Variants in FMN2 observed in about 807,000 individuals in gnomAD.
FMN2 encodes formin-2.
A neutral mutation model predicts 142.3 loss-of-function variants in FMN2; 51 were observed. The observed-to-expected ratio is 0.36, with a 90% CI of 0.29 to 0.45. The LOEUF is 0.45. Ranked by LOEUF, FMN2 falls within the 20% of genes least tolerant of loss-of-function variation. The pLI, the probability that FMN2 is intolerant of heterozygous loss-of-function variation, is 1.00. For synonymous variants in FMN2, 882 were observed against 869.8 expected, an observed-to-expected ratio of 1.01 and a Z score of -0.25; for missense variants, 1,936 against 2,122.8, an observed-to-expected ratio of 0.91 and a Z score of 1.73.
intron 5 of FMN2, among the ~76,000 whole-genome samples, chr1:240,210,349 A>T (rs116699335): frequency 0.012 from 1,822 of 152,240 alleles, 39 homozygotes; most frequent in African/African-American, 0.042. Context: ...TGTGGCATGC[A>T]TTTAGAAACA....
chr1:240,276,611 A>G (rs1023979509), intron 7 of FMN2, among the ~76,000 whole-genome samples: 4 of 152,242 alleles, frequency 2.6e-5, no homozygotes, highest in East Asian at 1.9e-4. Flanking sequence ...AGATGCAGTT[A>G]TCTATTGGGG....
At position 240,301,890 on chromosome 1, in the gene FMN2, T is replaced by A. The variant is rs563469522; in HGVS notation, c.4215+7007T>A. On this transcript the variant is annotated intron_variant, in intron 8 of 17. Transcript: ENST00000319653. ...GTTTGATGGACTTCCTGATTATAAT[T>A]GTGATTTTTCACCACATTTGACAGT... Among the ~76,000 whole-genome samples the A allele has an allele frequency of 5.2e-4, 76 of 145,480 alleles. 1 individual carries two copies. In the South Asian group the frequency reaches 0.016, roughly 31 times the overall value.
intron 8 of FMN2, among the ~76,000 whole-genome samples, chr1:240,305,491 A>G (rs879058879): frequency 2.0e-5 from 3 of 152,266 alleles, no homozygotes; most frequent in Admixed American, 6.5e-5. Context: ...AGTTAATCAA[A>G]TAAGTTAAAG....
intron 1 of FMN2, among the ~76,000 whole-genome samples, chr1:240,108,397 T>C (rs560893026): frequency 6.6e-6 from 1 of 152,226 alleles, no homozygotes; most frequent in African/African-American, 2.4e-5. Flanking sequence ...TTTTTTCTTA[T>C]TTGGCAAGTA....
At chr1:240,171,004 C>G in intron 2 of FMN2, 4 of 839,902 alleles carry the variant, frequency 4.8e-6, no homozygotes, top group Non-Finnish European at 8.4e-6. Flanking sequence ...GAGAGCAGCA[C>G]TTGAGGCATG....
intron 3 of FMN2, chr1:240,179,189 A>G (rs1158094203): frequency 2.0e-5 from 3 of 152,178 alleles, no homozygotes; most frequent in African/African-American, 7.2e-5. Context: ...CGTGTATTTA[A>G]TATTATTTAT....
At chr1:240,152,611 C>T (rs1196291192) in intron 2 of FMN2, among the ~76,000 whole-genome samples, 2 of 152,176 alleles carry the variant, frequency 1.3e-5, no homozygotes, top group Non-Finnish European at 2.9e-5. Flanking sequence ...AGCACAGTGG[C>T]CCTGTTGCCT....
rs558601976 is a variant in FMN2, at chr1:240,468,123, T to C, written c.5061-4249T>C. ...TTAAAATTTTTACTTCCCTTTTTAGTTCTCTAATAGGGTGAAATCTTGATT... is the reference window on the plus strand; with the variant it reads ...TTAAAATTTTTACTTCCCTTTTTAGCTCTCTAATAGGGTGAAATCTTGATT... On this transcript the variant is annotated intron_variant, in intron 16 of 17. Coordinates refer to ENST00000319653, the MANE Select transcript of FMN2 (RefSeq NM_020066.5). 3.3e-5 allele frequency among the ~76,000 whole-genome samples: 5 copies of C among 152,238 alleles called. No homozygotes were observed. The South Asian group carries it at 1.0e-3, about 32-fold the overall frequency.
intron 14 of FMN2, among the ~76,000 whole-genome samples, chr1:240,378,720 C>T (rs1372475790): frequency 6.6e-6 from 1 of 152,090 alleles, no homozygotes; most frequent in East Asian, 1.9e-4. Flanking sequence ...TGTTATTTTC[C>T]TCTGCAGTGT....
intron 6 of FMN2, among the ~76,000 whole-genome samples, chr1:240,218,281 C>CAAAAAA (rs60722656): frequency 1.1e-5 from 1 of 92,954 alleles, no homozygotes; most frequent in African/African-American, 4.0e-5. Flanking sequence ...GACTCTGTCT[C>CAAAAAA]AAAAAAAAAA....
intron 11 of FMN2, among the ~76,000 whole-genome samples, chr1:240,333,356 G>C (rs1209265126): frequency 6.6e-6 from 1 of 152,004 alleles, no homozygotes; most frequent in African/African-American, 2.4e-5. Flanking sequence ...TATTGGAATT[G>C]TTAAAAGCTC....
intron 1 of FMN2, among the ~76,000 whole-genome samples, chr1:240,095,614 C>T (rs1190247047): frequency 6.6e-6 from 1 of 151,970 alleles, no homozygotes; most frequent in Non-Finnish European, 1.5e-5. Context: ...CTGCTGGGAA[C>T]ATCACGGATG....
At chr1:240,154,844 C>T (rs180850546) in intron 2 of FMN2, 1 of 139,400 alleles carries the variant, frequency 7.2e-6, no homozygotes, top group Non-Finnish European at 1.6e-5. Flanking sequence ...TTCCTTCCTT[C>T]CCTCCCTCCC....
chr1:240,238,443 T>C (rs1466750052), intron 6 of FMN2, among the ~76,000 whole-genome samples: 18 of 152,358 alleles, frequency 1.2e-4, no homozygotes, highest in Admixed American at 1.2e-3. Context: ...ATCATGTGTA[T>C]GTATCTGTAG....
At chr1:240,178,399 A>G (rs1269560303) in intron 3 of FMN2, among the ~76,000 whole-genome samples, 2 of 150,542 alleles carry the variant, frequency 1.3e-5, no homozygotes. Flanking sequence ...TCAATGCTTT[A>G]TGGAATATGG....
chr1:240,124,100 T>A (rs975290598), intron 2 of FMN2, among the ~76,000 whole-genome samples: 7 of 152,228 alleles, frequency 4.6e-5, no homozygotes, highest in Non-Finnish European at 8.8e-5. Flanking sequence ...TGTTTCCACC[T>A]TTTGCTGTAA....
At chr1:240,422,786 G>A (rs1674816672) in intron 15 of FMN2, among the ~76,000 whole-genome samples, 1 of 151,990 alleles carries the variant, frequency 6.6e-6, no homozygotes, top group Non-Finnish European at 1.5e-5. Context: ...TGACTATAAT[G>A]GTCTGATTCC....
In FMN2 at chr1:240,445,574, A is replaced by G. The variant is rs186639387; in HGVS notation, c.5060+7364A>G. ...GGCAATGTGGCAGGAAAGATTAAGC[A>G]CTTTCCAAGAAAGATGGGGGCCATG... On this transcript the variant is annotated intron_variant, in intron 16 of 17. Transcript: ENST00000319653. 5.9e-5 allele frequency among the ~76,000 whole-genome samples: 9 copies of G among 152,286 alleles called. No homozygotes were observed. In the East Asian group the frequency reaches 1.5e-3, roughly 26 times the overall value.
intron 2 of FMN2, among the ~76,000 whole-genome samples, chr1:240,163,192 A>C (rs1019662050): frequency 2.6e-5 from 4 of 152,196 alleles, no homozygotes; most frequent in African/African-American, 9.6e-5. Flanking sequence ...ATGCTTGAAA[A>C]GAATGTTTTA....
Sources: allele counts gnomAD v4.1 joint callset (sites outside exome capture counted in the v4.1 genomes callset), GRCh38; gene constraint gnomAD v4.1.1; transcripts MANE v1.5; gene names NCBI Gene and HGNC (gene_info 2026-07-23, HGNC 2026-07-21).